Variants in LYST observed in about 807,000 individuals in gnomAD.
The protein encoded by LYST is lysosomal-trafficking regulator.
A neutral mutation model predicts 413.6 loss-of-function variants in LYST; 192 were observed. That is an observed-to-expected ratio of 0.46 (90% CI 0.41 to 0.52). LYST has a LOEUF of 0.52. Ranked by LOEUF, LYST falls within the 20% of genes least tolerant of loss-of-function variation. The pLI is 0.00. For synonymous variants in LYST, 1,525 were observed against 1,567.3 expected, an observed-to-expected ratio of 0.97 and a Z score of 0.64; for missense variants, 3,815 against 4,499.9, an observed-to-expected ratio of 0.85 and a Z score of 4.35.
chr1:235,701,161 G>A (rs989896660), intron 45 of LYST, among the ~76,000 whole-genome samples: 18 of 152,178 alleles, frequency 1.2e-4, no homozygotes, highest in Non-Finnish European at 1.9e-4. Context: ...GGAGCAAAGA[G>A]TCATCACAAA....
chr1:235,801,554 T>G (rs942704379), intron 8 of LYST, among the ~76,000 whole-genome samples: 5 of 152,134 alleles, frequency 3.3e-5, no homozygotes, highest in African/African-American at 9.7e-5. Flanking sequence ...TCTGTCTTAT[T>G]GAATATTGCA....
intron 32 of LYST, 43 bp from the exon 33 acceptor site, chr1:235,733,949 T>TA: frequency 1.0e-6 from 1 of 976,442 alleles, no homozygotes; most frequent in Non-Finnish European, 1.5e-6. Context: ...AATTTATTAT[T>TA]TCTCACCTAA....
rs942183208 is a variant in LYST at position 235,661,276 on chromosome 1, T to C, written c.*1664A>G. 2.6e-5 allele frequency: 4 copies of C among 152,640 alleles called. No homozygotes were observed. The highest frequency in any genetic ancestry group is 7.2e-5 in the African/African-American group (3 of 41,460). 9.5% of individuals were successfully genotyped at this position (152,640 alleles called of 1,614,324 possible). A position where few individuals can be genotyped will look rare whatever the true frequency, so the allele number is the denominator to read the frequency against. On this transcript the variant is annotated 3_prime_UTR_variant, in exon 53 of 53. Coordinates refer to ENST00000389793, the MANE Select transcript of LYST (RefSeq NM_000081.4). ...TTATTCTGCATATTTTCTCTTTAGA[T>C]AAATGATGAAATTCGGTTTTTAAAA...
chr1:235,778,872 C>CT lies in LYST; in HGVS notation c.5215-1565dup, dbSNP rs894713476. 1.4e-3 allele frequency among the ~76,000 whole-genome samples: 208 copies of CT among 144,164 alleles called. 1 individual carries two copies. Among genetic ancestry groups the CT allele is most frequent in the South Asian group, 6.6e-3 (30 of 4,558 alleles). The allele number at this position is 144,164 out of a possible 152,430, so 94.6% of individuals were successfully genotyped here. A position where few individuals can be genotyped will look rare whatever the true frequency, so the allele number is the denominator to read the frequency against. The stretch of plus-strand genomic sequence containing the variant: ...GAGGGTACCATTTCTTGTCTTTTTT[C>CT]TTTTTTTTTTTGAGACAGAGTTTGA... On this transcript the variant is annotated intron_variant, in intron 16 of 52. Transcript: ENST00000389793.
Position 235,809,699 on chromosome 1 carries a change from A to G in LYST, c.1119T>C (p.Pro373=). The change falls in exon 5 of 53, where the codon CCT becomes CCC. Residue 373 remains proline, a synonymous_variant. Coordinates refer to ENST00000389793, the MANE Select transcript of LYST (RefSeq NM_000081.4). The surrounding 1 kb of genome is among the most constrained non-coding windows in gnomAD (Gnocchi z 4.0). ...IRICLEKQPD[P]FAPRQKKTLQ... Reference sequence around the variant, plus strand: ...GTGTTTTCTTTTGTCTTGGTGCAAAAGGGTCAGGCTGCTTTTCTAGGCATA... The same window carrying G: ...GTGTTTTCTTTTGTCTTGGTGCAAAGGGGTCAGGCTGCTTTTCTAGGCATA... 6.2e-7 allele frequency: 1 copy of G among 1,613,468 alleles called. No individual in the cohort carries two copies. The highest frequency in any genetic ancestry group is 8.5e-7 in the Non-Finnish European group (1 of 1,179,768).
At chr1:235,734,695 A>T (rs779166920) in intron 31 of LYST, 36 bp from the exon 32 acceptor site, 2 of 1,410,322 alleles carry the variant, frequency 1.4e-6, no homozygotes, top group African/African-American at 2.9e-5. Context: ...GTCATTTAGA[A>T]TTTTAATTCT....
In LYST at chr1:235,738,092, T is replaced by A. The variant is rs112879372; in HGVS notation, c.8358+3330A>T. 7.1e-3 allele frequency: 11,325 copies of A among 1,605,418 alleles called. 673 individuals carry two copies. In the African/African-American group the frequency reaches 0.13, roughly 18 times the overall value. On this transcript the variant is annotated intron_variant, in intron 31 of 52. Transcript: ENST00000389793. Reference sequence around the variant, plus strand: ...TTACAGTTGTTGGGGTTGGTGCTCTTGGCATGGCCTGTGCCATCGGTATCT... The same window carrying A: ...TTACAGTTGTTGGGGTTGGTGCTCTAGGCATGGCCTGTGCCATCGGTATCT...
Position 235,693,339 on chromosome 1 carries a change from A to C in LYST, c.10701+11T>G, listed in dbSNP as rs369298978. On this transcript the variant is annotated intron_variant, in intron 47 of 52. Transcript: ENST00000389793. ...TAAAAATAAATAAATAAAATAAAAT[A>C]AAGTGTTTACCTGGTACTGTTGTGA... is the stretch of plus-strand genomic sequence containing the variant. The C allele has an allele frequency of 1.3e-6, 2 of 1,579,624 alleles. No individual in the cohort carries two copies.
chr1:235,713,721 C>T (rs1228914677), intron 42 of LYST, among the ~76,000 whole-genome samples: 1 of 152,086 alleles, frequency 6.6e-6, no homozygotes, highest in Admixed American at 6.6e-5. Context: ...TTATGCAGCT[C>T]GAAATGACTA....
At chr1:235,818,246 G>A (rs1674388348) in intron 3 of LYST, among the ~76,000 whole-genome samples, 1 of 152,090 alleles carries the variant, frequency 6.6e-6, no homozygotes, top group African/African-American at 2.4e-5. Context: ...GGTGTAGGTT[G>A]GACAGGTAGG....
At chr1:235,861,440 A>G (rs6659026) in intron 1 of LYST, among the ~76,000 whole-genome samples, 9,540 of 152,254 alleles carry the variant, frequency 0.063, 989 homozygotes, top group African/African-American at 0.22. Context: ...AAAGCCAAAC[A>G]CTGGTGACAC....
intron 1 of LYST, among the ~76,000 whole-genome samples, chr1:235,860,497 G>A (rs10754795): frequency 0.44 from 67,584 of 151,966 alleles, 16,248 homozygotes; most frequent in African/African-American, 0.61. Flanking sequence ...TGTGCTCTGC[G>A]TATTCATCCC....
At chr1:235,747,600 A>G (rs913513935) in intron 28 of LYST, among the ~76,000 whole-genome samples, 1 of 152,136 alleles carries the variant, frequency 6.6e-6, no homozygotes, top group African/African-American at 2.4e-5. Context: ...GTCAAACAAT[A>G]TACTTAGTTT....
At chr1:235,869,284 A>G (rs901646858), upstream of LYST, among the ~76,000 whole-genome samples, 1 of 152,132 alleles carries the variant, frequency 6.6e-6, no homozygotes, top group Non-Finnish European at 1.5e-5. Flanking sequence ...CATCCTGGCT[A>G]ACACGGTGAA....
chr1:235,687,235 T>C (rs1043228990), intron 47 of LYST, among the ~76,000 whole-genome samples, 188 bp from the exon 48 acceptor site: 4 of 152,224 alleles, frequency 2.6e-5, no homozygotes, highest in African/African-American at 9.6e-5. Context: ...TTCCGTAACT[T>C]TGAGCCAAAT....
chr1:235,777,097 C>G lies in LYST; in HGVS notation c.5426G>C (p.Gly1809Ala). 1 of 1,613,582 alleles carries G rather than the reference C, an allele frequency of 6.2e-7. No individual in the cohort carries two copies. The highest frequency in any genetic ancestry group is 8.5e-7 in the Non-Finnish European group (1 of 1,179,652). ...KTIQGILHEI[G>A]GTGIFVFLFA... is the part of the protein sequence containing the mutation. Reference sequence around the variant, plus strand: ...GAGAAAAACAAATATGCCAGTTCCACCAATTTCGTGCAGAATGCCTTGAAT... The same window carrying G: ...GAGAAAAACAAATATGCCAGTTCCAGCAATTTCGTGCAGAATGCCTTGAAT... Residue 1809 changes from glycine to alanine, a missense_variant, in exon 17 of 53, where the codon GGT becomes GCT. Gly to Ala is a moderately conservative substitution (Grantham distance 60). Around this residue, in one of 4 missense-constraint regions of LYST, gnomAD observed 530 missense variants for 696.5 expected, o/e 0.76. Coordinates refer to ENST00000389793, the MANE Select transcript of LYST (RefSeq NM_000081.4).
intron 44 of LYST, among the ~76,000 whole-genome samples, chr1:235,708,276 T>C (rs866345541): frequency 3.3e-4 from 51 of 152,326 alleles, no homozygotes; most frequent in Middle Eastern, 6.8e-3. Flanking sequence ...CTGTTGCTAG[T>C]CTGTATTTTA....
chr1:235,824,959 G>A (rs1041298002), intron 3 of LYST, among the ~76,000 whole-genome samples: 89 of 152,092 alleles, frequency 5.9e-4, no homozygotes, highest in African/African-American at 2.1e-3. Context: ...GGCAGAGGTT[G>A]CAGTGAGCCA....
chr1:235,703,270 A>C (rs1420059238), intron 44 of LYST, among the ~76,000 whole-genome samples: 1 of 152,210 alleles, frequency 6.6e-6, no homozygotes, highest in East Asian at 1.9e-4. Flanking sequence ...AAATTATTGA[A>C]GAAGTTGCTT....
Sources: allele counts gnomAD v4.1 joint callset (sites outside exome capture counted in the v4.1 genomes callset), GRCh38; gene constraint gnomAD v4.1.1; regional missense constraint gnomAD v4.1.1; non-coding constraint Gnocchi (gnomAD v3.1); transcripts MANE v1.5; gene names NCBI Gene and HGNC (gene_info 2026-07-23, HGNC 2026-07-21).